Variants in ETNK1 observed in about 807,000 individuals in gnomAD.
ETNK1 encodes the protein putative protein product of Nbla10396.
A neutral mutation model predicts 45.1 loss-of-function variants in ETNK1; 8 were observed. The observed-to-expected ratio is 0.18, with a 90% CI of 0.10 to 0.32. The LOEUF (loss-of-function observed/expected upper bound fraction) is 0.32. Ranked by LOEUF, ETNK1 falls within the 10% of genes least tolerant of loss-of-function variation. The pLI is 1.00. For missense variants in ETNK1, 302 were observed against 430.6 expected, an observed-to-expected ratio of 0.70 and a Z score of 2.64; for synonymous variants, 152 against 151.9, an observed-to-expected ratio of 1.00 and a Z score of -0.01.
intron 2 of ETNK1, chr12:22,644,314 G>C: frequency 6.3e-7 from 1 of 1,592,146 alleles, no homozygotes; most frequent in Non-Finnish European, 8.6e-7. Context: ...GTTAGTGTTT[G>C]AGTTGAAGTG....
intron 1 of ETNK1, among the ~76,000 whole-genome samples, chr12:22,630,677 C>T (rs1454084682): frequency 6.6e-6 from 1 of 152,020 alleles, no homozygotes; most frequent in Non-Finnish European, 1.5e-5. Context: ...GTGGTGTGAT[C>T]TCAGCTCACT....
chr12:22,677,693 G>A (rs1344802259), intron 6 of ETNK1, among the ~76,000 whole-genome samples: 3 of 152,074 alleles, frequency 2.0e-5, no homozygotes, highest in Non-Finnish European at 4.4e-5. Flanking sequence ...TTGATCAGTG[G>A]TTTTGTAGTT....
At chr12:22,656,767 T>A (rs1443815584) in intron 2 of ETNK1, 2 of 980,336 alleles carry the variant, frequency 2.0e-6, no homozygotes, top group Non-Finnish European at 2.4e-6. Context: ...AGAAATGATA[T>A]TATTTTTCAT....
rs574893058 is a variant in ETNK1 at position 22,656,730 on chromosome 12, T to C, written c.417-2284T>C. 215 of 984,858 alleles carry C rather than the reference T, an allele frequency of 2.2e-4. No individual in the cohort carries two copies. In the African/African-American group the frequency reaches 3.5e-3, roughly 16 times the overall value. The allele number at this position is 984,858 out of a possible 1,614,324, so 61.0% of individuals were successfully genotyped here. A position where few individuals can be genotyped will look rare whatever the true frequency, so the allele number is the denominator to read the frequency against. On this transcript the variant is annotated intron_variant, in intron 2 of 7. Transcript: ENST00000266517. The stretch of plus-strand genomic sequence containing the variant: ...TTGTAAGAGACCCCAAATCAGGGTC[T>C]CTTATAAACCCTGGGGTAAAACTAT...
rs1255451057 is a variant in ETNK1, at chr12:22,686,918, A to G, written c.*1964A>G. On this transcript the variant is annotated 3_prime_UTR_variant, in exon 8 of 8. Coordinates refer to ENST00000266517, the MANE Select transcript of ETNK1 (RefSeq NM_018638.5). ...TAAAGTGCAACAGTATATATCTTGT[A>G]GAACTGTGGGAGGAGAGAAGATAAT... The G allele has an allele frequency of 9.2e-6, 1 of 109,218 alleles. No individual in the cohort carries two copies. The highest frequency in any genetic ancestry group is 1.7e-5 in the Non-Finnish European group (1 of 58,276). 6.8% of individuals were successfully genotyped at this position (109,218 alleles called of 1,614,324 possible). A position where few individuals can be genotyped will look rare whatever the true frequency, so the allele number is the denominator to read the frequency against.
intron 6 of ETNK1, among the ~76,000 whole-genome samples, 165 bp downstream of exon 6, chr12:22,673,825 T>G (rs370798726): frequency 6.6e-6 from 1 of 152,204 alleles, no homozygotes; most frequent in Non-Finnish European, 1.5e-5. Flanking sequence ...ATTGCATTAG[T>G]TTTAAGGACA....
chr12:22,632,658 A>G (rs931556997), intron 1 of ETNK1, among the ~76,000 whole-genome samples: 1 of 151,948 alleles, frequency 6.6e-6, no homozygotes, highest in Non-Finnish European at 1.5e-5. Context: ...CTAAAGGTGC[A>G]TGCCTGCCTA....
intron 2 of ETNK1, among the ~76,000 whole-genome samples, chr12:22,647,508 C>A (rs542784047): frequency 6.6e-6 from 1 of 151,958 alleles, no homozygotes; most frequent in East Asian, 1.9e-4. Context: ...GGTACCTCAA[C>A]ACAAAGGAGA....
chr12:22,680,056 T>G (rs1954200320), intron 6 of ETNK1, among the ~76,000 whole-genome samples: 1 of 152,192 alleles, frequency 6.6e-6, no homozygotes, highest in African/African-American at 2.4e-5. Flanking sequence ...TCTCTTTTTG[T>G]ACTGTCTTGC....
At chr12:22,626,873 C>G (rs1953507966) in intron 1 of ETNK1, among the ~76,000 whole-genome samples, 1 of 152,060 alleles carries the variant, frequency 6.6e-6, no homozygotes. Flanking sequence ...GGAAATGTGT[C>G]TTCCAAATTG....
At chr12:22,648,842 A>G (rs761270235) in intron 2 of ETNK1, among the ~76,000 whole-genome samples, 1 of 152,110 alleles carries the variant, frequency 6.6e-6, no homozygotes, top group Admixed American at 6.6e-5. Flanking sequence ...TCCACTAGCA[A>G]TGAATGAGAG....
At chr12:22,639,255 G>A (rs542682244) in intron 1 of ETNK1, among the ~76,000 whole-genome samples, 125 of 150,318 alleles carry the variant, frequency 8.3e-4, no homozygotes, top group Non-Finnish European at 1.4e-3. Flanking sequence ...GTTTTACCAC[G>A]TTGGCCAGGG....
In ETNK1 at chr12:22,625,445, C is replaced by G; in HGVS notation, c.15C>G (p.Ile5Met). ...TCGCCTGGGCCATGGCCAATTACAT[C>G]CACGTCCCTCCCGGCTCCCCGGAGG... is the stretch of plus-strand genomic sequence containing the variant. MANY[I>M]HVPPGSPEVP... is the part of the protein sequence containing the mutation. Residue 5 changes from isoleucine (I) to methionine (M), a missense_variant, in exon 1 of 8, where the codon ATC becomes ATG. Physicochemically the swap from Ile to Met is conservative, Grantham distance 10. Transcript: ENST00000266517. 6.3e-7 allele frequency: 1 copy of G among 1,591,350 alleles called. No individual in the cohort carries two copies. Among genetic ancestry groups the G allele is most frequent in the Non-Finnish European group, 8.5e-7 (1 of 1,169,698 alleles).
chr12:22,665,793 G>T (rs2137562675), intron 4 of ETNK1, among the ~76,000 whole-genome samples: 1 of 152,084 alleles, frequency 6.6e-6, no homozygotes, highest in Admixed American at 6.6e-5. Context: ...ATGAAAAATG[G>T]TTACTATAGG....
chr12:22,662,986 T>G (rs1954021680), intron 4 of ETNK1, among the ~76,000 whole-genome samples: 2 of 152,200 alleles, frequency 1.3e-5, no homozygotes, highest in Non-Finnish European at 2.9e-5. Context: ...GTTTGATATT[T>G]CAATGTTGAT....
In ETNK1 at chr12:22,688,150, A is replaced by C. The variant is rs932028219; in HGVS notation, c.*3196A>C. 6.6e-6 allele frequency: 1 copy of C among 151,768 alleles called. No individual in the cohort carries two copies. Among genetic ancestry groups the C allele is most frequent in the Non-Finnish European group, 1.5e-5 (1 of 67,732 alleles). The allele number at this position is 151,768 out of a possible 1,614,324, so 9.4% of individuals were successfully genotyped here. A position where few individuals can be genotyped will look rare whatever the true frequency, so the allele number is the denominator to read the frequency against. ...TTTTTAGGGTTGTTAATTTTTTTCTACAAAAAAACCTTGAAATTTTAGATA... is the reference window on the plus strand; with the variant it reads ...TTTTTAGGGTTGTTAATTTTTTTCTCCAAAAAAACCTTGAAATTTTAGATA... On this transcript the variant is annotated 3_prime_UTR_variant, in exon 8 of 8. Transcript: ENST00000266517.
intron 6 of ETNK1, among the ~76,000 whole-genome samples, chr12:22,674,956 G>C (rs189188522): frequency 1.6e-4 from 25 of 152,256 alleles, no homozygotes; most frequent in Non-Finnish European, 2.9e-4. Flanking sequence ...TAAAAAAAAT[G>C]CACTCTTTCA....
At position 22,672,288 on chromosome 12, in the gene ETNK1, C is replaced by A. The variant is rs61921421; in HGVS notation, c.784+933C>A. Among the ~76,000 whole-genome samples, 308 of 152,084 alleles carry A rather than the reference C, an allele frequency of 2.0e-3. 1 individual carries two copies. The highest frequency in any genetic ancestry group is 3.7e-3 in the Non-Finnish European group (253 of 67,974). On this transcript the variant is annotated intron_variant, in intron 5 of 7. Coordinates refer to ENST00000266517, the MANE Select transcript of ETNK1 (RefSeq NM_018638.5). ...TCTTTATTTAGAAACACGAAATGCTCTAAAAACTAAAGATTAGAACATACC... is the reference window on the plus strand; with the variant it reads ...TCTTTATTTAGAAACACGAAATGCTATAAAAACTAAAGATTAGAACATACC...
At chr12:22,644,252 G>A (rs1206189661) in intron 2 of ETNK1, 2 of 1,608,620 alleles carry the variant, frequency 1.2e-6, no homozygotes, top group South Asian at 1.1e-5. Context: ...ACTACAAGAT[G>A]TTTTGGATTA....
Sources: allele counts gnomAD v4.1 joint callset (sites outside exome capture counted in the v4.1 genomes callset), GRCh38; gene constraint gnomAD v4.1.1; transcripts MANE v1.5; gene names NCBI Gene and HGNC (gene_info 2026-07-23, HGNC 2026-07-21).